AFAP1L2: variants seen among roughly 807,000 people sequenced by gnomAD.
The protein encoded by AFAP1L2 is actin filament-associated protein 1-like 2.
A neutral mutation model predicts 99.3 loss-of-function variants in AFAP1L2; 46 were observed. That is an observed-to-expected ratio of 0.46 (90% CI 0.37 to 0.59). The LOEUF (loss-of-function observed/expected upper bound fraction) is 0.59, where lower values mean the gene tolerates loss of function less well. AFAP1L2 is among the 20% of genes least tolerant of loss of function. The pLI is 0.00. For synonymous variants in AFAP1L2, 397 were observed against 419.1 expected (o/e 0.95, Z 0.64); for missense variants, 959 against 1,034.9 (o/e 0.93, Z 1.01).
chr10:114,335,097 A>C (rs146385477), intron 2 of AFAP1L2, among the ~76,000 whole-genome samples: 73 of 152,338 alleles, frequency 4.8e-4, no homozygotes, highest in African/African-American at 1.6e-3. Context: ...AACATATATA[A>C]CAGCAAGTCA....
chr10:114,360,509 T>TTAGATAGATAGA (rs57811868), intron 1 of AFAP1L2, among the ~76,000 whole-genome samples: 65 of 107,420 alleles, frequency 6.1e-4, no homozygotes, highest in African/African-American at 2.2e-3. Flanking sequence ...AGATAGATAG[T>TTAGATAGATAGA]TAGATAGATA....
rs766929781 is a variant in AFAP1L2 at position 114,352,479 on chromosome 10, T to TAAAAAAAAAAAAAAA, written c.17-11763_17-11749dup. Reference sequence around the variant, plus strand: ...ACAGAGCAAGACTCTGTCTCCAAATTAAAAAAAAAAAAAAAAAAAAGCAAC... The same window carrying TAAAAAAAAAAAAAAA: ...ACAGAGCAAGACTCTGTCTCCAAATTAAAAAAAAAAAAAAAAAAAAAAAAAAAAAAAAAAAGCAAC... On this transcript the variant is annotated intron_variant, in intron 1 of 18. Transcript: ENST00000304129. Among the ~76,000 whole-genome samples the TAAAAAAAAAAAAAAA allele has an allele frequency of 4.9e-4, 35 of 71,384 alleles. 2 individuals carry two copies. Among genetic ancestry groups the TAAAAAAAAAAAAAAA allele is most frequent in the African/African-American group, 1.4e-3 (26 of 18,224 alleles). 46.8% of individuals were successfully genotyped at this position (71,384 alleles called of 152,430 possible).
In AFAP1L2 at chr10:114,338,377, A is replaced by T. The variant is rs566785003; in HGVS notation, c.145+2226T>A. Reference sequence around the variant, plus strand: ...CATTTCCAGTTCTCAAACATCTGACATAAAAATCAACTCAACTGTTATGAC... The same window carrying T: ...CATTTCCAGTTCTCAAACATCTGACTTAAAAATCAACTCAACTGTTATGAC... On this transcript the variant is annotated intron_variant, in intron 2 of 18. Coordinates refer to ENST00000304129, the MANE Select transcript of AFAP1L2 (RefSeq NM_001001936.3). Among the ~76,000 whole-genome samples the T allele has an allele frequency of 6.3e-4, 96 of 152,366 alleles. 1 individual carries two copies. Among genetic ancestry groups the T allele is most frequent in the African/African-American group, 2.1e-3 (88 of 41,588 alleles).
intron 1 of AFAP1L2, among the ~76,000 whole-genome samples, chr10:114,387,920 T>C (rs1402954959): frequency 1.3e-5 from 2 of 152,058 alleles, no homozygotes; most frequent in Non-Finnish European, 2.9e-5. Flanking sequence ...AATGCAGGGA[T>C]CTCAGGCAAT....
At chr10:114,289,386 G>C in the AFAP1L2 span, 2 of 1,614,112 alleles carry the variant, frequency 1.2e-6, no homozygotes, top group African/African-American at 2.7e-5. Context: ...TCCTAAGTGA[G>C]GGTCTGCGGA....
At chr10:114,344,027 T>C (rs1420025872) in intron 1 of AFAP1L2, among the ~76,000 whole-genome samples, 1 of 152,146 alleles carries the variant, frequency 6.6e-6, no homozygotes, top group Non-Finnish European at 1.5e-5. Context: ...TTGCCTGAGA[T>C]AAAGTGAGGA....
At position 114,368,625 on chromosome 10, in the gene AFAP1L2, G is replaced by C. The variant is rs762803423; in HGVS notation, c.17-27894C>G. On this transcript the variant is annotated intron_variant, in intron 1 of 18. Transcript: ENST00000304129. ...AGATGGGGTTTTGCCATGTTGCCCA[G>C]CTTGGTCTTAAACTTCTGAACTCAA... 3.6e-4 allele frequency among the ~76,000 whole-genome samples: 55 copies of C among 152,132 alleles called. 1 individual carries two copies. Among genetic ancestry groups the C allele is most frequent in the Middle Eastern group, 3.4e-3 (1 of 294 alleles).
At chr10:114,327,268 G>T (rs1455141635) in intron 4 of AFAP1L2, among the ~76,000 whole-genome samples, 1 of 147,790 alleles carries the variant, frequency 6.8e-6, no homozygotes, top group East Asian at 2.1e-4. Context: ...AGGTTCAAGT[G>T]ATTCTCCTGC....
At chr10:114,360,509 T>TAGTTAGATAGATAGATAGATAGA (rs61366681) in intron 1 of AFAP1L2, among the ~76,000 whole-genome samples, 3 of 107,366 alleles carry the variant, frequency 2.8e-5, no homozygotes, top group Non-Finnish European at 3.9e-5. Flanking sequence ...AGATAGATAG[T>TAGTTAGATAGATAGATAGATAGA]TAGATAGATA....
At chr10:114,360,434 C>G (rs1294262534) in intron 1 of AFAP1L2, among the ~76,000 whole-genome samples, 1 of 151,486 alleles carries the variant, frequency 6.6e-6, no homozygotes, top group Non-Finnish European at 1.5e-5. Context: ...TGAGTCATTT[C>G]CTTATAAGAA....
intron 5 of AFAP1L2, chr10:114,319,675 G>A: frequency 1.6e-6 from 2 of 1,279,518 alleles, no homozygotes; most frequent in Non-Finnish European, 1.0e-6. Flanking sequence ...ACAGACAGAG[G>A]GAAGAGAAGA....
rs150263843 is a variant in AFAP1L2, at chr10:114,378,286, A to G, written c.16+26154T>C. The stretch of plus-strand genomic sequence containing the variant: ...GGAATTTTCAGTCAGTCAGGGGCAA[A>G]ACTGTGTCGTCCTACTGAAGCTTAT... On this transcript the variant is annotated intron_variant, in intron 1 of 18. Transcript: ENST00000304129. Among the ~76,000 whole-genome samples the G allele has an allele frequency of 4.2e-3, 645 of 152,296 alleles. 4 individuals carry two copies. The highest frequency in any genetic ancestry group is 0.014 in the African/African-American group (600 of 41,568).
At chr10:114,399,037 G>A in intron 1 of AFAP1L2, 1 of 642,824 alleles carries the variant, frequency 1.6e-6, no homozygotes, top group South Asian at 1.6e-5. Context: ...GTTCTCCAGA[G>A]CTAGAGCACG....
At chr10:114,319,579 T>C in intron 5 of AFAP1L2, 2 of 1,289,598 alleles carry the variant, frequency 1.6e-6, no homozygotes, top group South Asian at 1.2e-5. Flanking sequence ...GATCGTGGCA[T>C]AAATGACTCC....
chr10:114,302,415 G>C lies in AFAP1L2; in HGVS notation c.1354C>G (p.Pro452Ala). The stretch of plus-strand genomic sequence containing the variant: ...ACATAGTCGTAGGTGAACTCTTCTG[G>C]GTCTGTCTTGGAGCCTGACTCAGAG... The part of the protein sequence containing the change: ...LLSESGSKTD[P>A]EEFTYDYVDA... The change falls in exon 12 of 19, where the codon CCA becomes GCA. Residue 452 changes from proline to alanine, a missense_variant. By Grantham distance (27) the Pro-to-Ala change is conservative. Transcript: ENST00000304129. 6.2e-7 allele frequency: 1 copy of C among 1,614,086 alleles called. No individual in the cohort carries two copies. Among genetic ancestry groups the C allele is most frequent in the African/African-American group, 1.3e-5 (1 of 75,018 alleles).
chr10:114,282,379 A>C, the AFAP1L2 span: 2 of 704,854 alleles, frequency 2.8e-6, no homozygotes, highest in Admixed American at 4.4e-5. Flanking sequence ...GGTAGAATCA[A>C]GAAACAAAAC....
chr10:114,383,216 G>C (rs1327827936), intron 1 of AFAP1L2, among the ~76,000 whole-genome samples: 1 of 152,228 alleles, frequency 6.6e-6, no homozygotes, highest in Non-Finnish European at 1.5e-5. Flanking sequence ...GCAAGGGCAG[G>C]TGAATGAACC....
chr10:114,361,448 G>A (rs915829250), intron 1 of AFAP1L2, among the ~76,000 whole-genome samples: 4 of 152,048 alleles, frequency 2.6e-5, no homozygotes, highest in Admixed American at 6.6e-5. Context: ...CCCAAACTCC[G>A]GGCACCTGAC....
At chr10:114,388,770 C>T (rs910567050) in intron 1 of AFAP1L2, among the ~76,000 whole-genome samples, 3 of 152,200 alleles carry the variant, frequency 2.0e-5, no homozygotes, top group Admixed American at 6.5e-5. Context: ...GGAAGGGACC[C>T]TGGGGCTGAT....
Sources: gnomAD v4.1 joint callset for allele counts (sites outside exome capture counted in the v4.1 genomes callset) on GRCh38, gnomAD v4.1.1 for gene constraint, MANE v1.5 for transcripts, NCBI Gene and HGNC (gene_info 2026-07-23, HGNC 2026-07-21) for gene names.